The following RTN4RL1 variants were observed in gnomAD, a reference collection of about 807,000 sequenced individuals.
RTN4RL1 encodes the protein reticulon-4 receptor-like 1.
RTN4RL1 carries 7 observed loss-of-function variants against 25.6 expected under a neutral mutation model. That is an observed-to-expected ratio of 0.27 (90% CI 0.16 to 0.51). The LOEUF (loss-of-function observed/expected upper bound fraction) is 0.51. RTN4RL1 is among the 20% of genes least tolerant of loss of function. The probability of loss-of-function intolerance (pLI) is 0.97; values close to 1 mark genes in which losing one functional copy is unlikely to be tolerated. For missense variants in RTN4RL1, 500 were observed against 615.6 expected (o/e 0.81, Z 1.99); for synonymous variants, 297 against 288.2 (o/e 1.03, Z -0.31).
At position 1,994,932 on chromosome 17, in the gene RTN4RL1, T is replaced by TA. The variant is rs775125543; in HGVS notation, c.13+29920dup. Among the ~76,000 whole-genome samples, 7,593 of 135,584 alleles carry TA rather than the reference T, an allele frequency of 0.056. 559 individuals are homozygous for TA. Among genetic ancestry groups the TA allele is most frequent in the African/African-American group, 0.18 (6,616 of 37,194 alleles). 88.9% of individuals were successfully genotyped at this position (135,584 alleles called of 152,430 possible). On this transcript the variant is annotated intron_variant, in intron 1 of 1. Transcript: ENST00000331238. The surrounding 1 kb of genome is among the most constrained non-coding windows in gnomAD (Gnocchi z 4.3). ...GGCCAACATAGTAAGACCCCATCTC[T>TA]AAAAAAAAAAAAAAATCATGAAATG...
chr17:1,987,765 ACACG>A (rs1245039049), intron 1 of RTN4RL1, among the ~76,000 whole-genome samples: 2 of 125,132 alleles, frequency 1.6e-5, no homozygotes, highest in African/African-American at 6.2e-5. Context: ...ACACACACAC[ACACG>A]GACTTTCCAC....
intron 1 of RTN4RL1, among the ~76,000 whole-genome samples, chr17:1,983,489 C>T (rs1245842813): frequency 6.6e-6 from 1 of 152,246 alleles, no homozygotes; most frequent in Non-Finnish European, 1.5e-5. Flanking sequence ...GCCTTCGCCT[C>T]CTAGGCTCAA....
chr17:1,992,167 A>T (rs1466565031), intron 1 of RTN4RL1, among the ~76,000 whole-genome samples: 3 of 152,024 alleles, frequency 2.0e-5, no homozygotes, highest in Non-Finnish European at 4.4e-5. Flanking sequence ...GAACGAGACC[A>T]TCCTGGCTAA....
intron 1 of RTN4RL1, chr17:2,017,878 C>T (rs2067147121): frequency 6.6e-6 from 1 of 152,422 alleles, no homozygotes; most frequent in African/African-American, 2.4e-5. Context: ...CGGAGGAGGC[C>T]TCCACTCTGA....
At chr17:1,947,534 G>A (rs1915582133) in intron 1 of RTN4RL1, among the ~76,000 whole-genome samples, 1 of 152,188 alleles carries the variant, frequency 6.6e-6, no homozygotes, top group Non-Finnish European at 1.5e-5. Flanking sequence ...CCCACTCCAG[G>A]TCCCTCCAGC....
At chr17:1,991,336 G>A (rs2066907468) in intron 1 of RTN4RL1, among the ~76,000 whole-genome samples, 1 of 151,718 alleles carries the variant, frequency 6.6e-6, no homozygotes, top group Non-Finnish European at 1.5e-5. Flanking sequence ...GGACCGGGCT[G>A]GAAACGGAAG....
At chr17:1,954,445 G>A (rs1330766450) in intron 1 of RTN4RL1, among the ~76,000 whole-genome samples, 5 of 142,962 alleles carry the variant, frequency 3.5e-5, no homozygotes, top group Non-Finnish European at 3.0e-5. Context: ...CTGGAGTGCA[G>A]TGGCACGATC....
At chr17:2,017,701 ACACACG>A (rs1385724376) in intron 1 of RTN4RL1, 1 of 133,924 alleles carries the variant, frequency 7.5e-6, no homozygotes, top group Non-Finnish European at 1.7e-5. Context: ...ACACACACAC[ACACACG>A]CACACACACT....
chr17:1,968,051 C>T (rs759644216), intron 1 of RTN4RL1, among the ~76,000 whole-genome samples: 9 of 152,152 alleles, frequency 5.9e-5, no homozygotes, highest in Non-Finnish European at 1.3e-4. Context: ...CTTTCCTGGA[C>T]GTTCCTTCTC....
intron 1 of RTN4RL1, among the ~76,000 whole-genome samples, chr17:1,976,536 A>C (rs1452704856): frequency 6.6e-6 from 1 of 152,228 alleles, no homozygotes; most frequent in Non-Finnish European, 1.5e-5. Flanking sequence ...ACTCAGCAGC[A>C]GTGTGACTTT....
At chr17:2,018,830 C>T (rs1476945095) in intron 1 of RTN4RL1, 2 of 152,532 alleles carry the variant, frequency 1.3e-5, no homozygotes, top group Non-Finnish European at 1.5e-5. Flanking sequence ...CTCAGTGAGG[C>T]TGTAACAAGT....
At chr17:1,985,756 C>G (rs980733241) in intron 1 of RTN4RL1, among the ~76,000 whole-genome samples, 1 of 152,134 alleles carries the variant, frequency 6.6e-6, no homozygotes, top group Non-Finnish European at 1.5e-5. Context: ...TGGAATCCAC[C>G]AAATGAGCCC....
intron 1 of RTN4RL1, among the ~76,000 whole-genome samples, chr17:1,956,678 G>A (rs1371879443): frequency 1.3e-5 from 2 of 152,004 alleles, no homozygotes. Flanking sequence ...CCTCCTGGGA[G>A]GGCTGCAGGG....
Position 1,936,525 on chromosome 17 carries a change from T to A in RTN4RL1, c.1297A>T (p.Thr433Ser). 11 of 1,549,696 alleles carry A rather than the reference T, an allele frequency of 7.1e-6. No homozygotes were observed. The highest frequency in any genetic ancestry group is 9.6e-6 in the Non-Finnish European group (11 of 1,149,340). Reference sequence around the variant, plus strand: ...CGGAGAGTGACCGCCAGCCCCAGTGTCCAGGCCAGGAGGGAGGCCCCCAGG... The same window carrying A: ...CGGAGAGTGACCGCCAGCCCCAGTGACCAGGCCAGGAGGGAGGCCCCCAGG... ...SSLGASLLAW[T>S]LGLAVTLR The change falls in exon 2 of 2, where the codon ACA becomes TCA. Residue 433 changes from threonine to serine, a missense_variant. Transcript: ENST00000331238.
In RTN4RL1 at chr17:1,937,158, T is replaced by C. The variant is rs776790977; in HGVS notation, c.664A>G (p.Arg222Gly). ...TTGAAGAGGAAGAGGGTGGTCAGCC[T>C]GCGGAGGTCGTGGAACGCCTTGTGG... ...VHHKAFHDLR[R>G]LTTLFLFNNS... is the part of the protein sequence containing the mutation. Residue 222 changes from arginine to glycine, a missense_variant, in exon 2 of 2, where the codon AGG becomes GGG. Physicochemically the swap from Arg to Gly is moderately radical, Grantham distance 125 (BLOSUM62 -2). This residue lies in a region of RTN4RL1 where 232 missense variants were observed against 341.1 expected (regional missense o/e 0.68). Transcript: ENST00000331238. 19 of 1,612,106 alleles carry C rather than the reference T, an allele frequency of 1.2e-5. No individual in the cohort carries two copies. The highest frequency in any genetic ancestry group is 1.5e-5 in the Non-Finnish European group (18 of 1,179,532).
In RTN4RL1 at chr17:1,988,782, G is replaced by T. The variant is rs180845709; in HGVS notation, c.13+36071C>A. On this transcript the variant is annotated intron_variant, in intron 1 of 1. Transcript: ENST00000331238. The stretch of plus-strand genomic sequence containing the variant: ...GCATCCTTTGAGCTGGGCTCTAGAA[G>T]AAGGGTAGGAATTGTCCAGGTAAGC... Among the ~76,000 whole-genome samples, 4 of 152,290 alleles carry T rather than the reference G, an allele frequency of 2.6e-5. No homozygotes were observed. In the East Asian group the frequency reaches 7.7e-4, roughly 29 times the overall value.
chr17:1,952,332 G>GTT lies in RTN4RL1; in HGVS notation c.14-14526_14-14525dup, dbSNP rs56878786. ...GAGGGGCATGGGTCAAGGGAGGTTGGTTTTTTTTTTTTTTTTTTTTTTGAG... is the reference window on the plus strand; with the variant it reads ...GAGGGGCATGGGTCAAGGGAGGTTGGTTTTTTTTTTTTTTTTTTTTTTTTGAG... On this transcript the variant is annotated intron_variant, in intron 1 of 1. Coordinates refer to ENST00000331238, the MANE Select transcript of RTN4RL1 (RefSeq NM_178568.4). Among the ~76,000 whole-genome samples, 232 of 135,364 alleles carry GTT rather than the reference G, an allele frequency of 1.7e-3. 2 individuals carry two copies. The highest frequency in any genetic ancestry group is 4.6e-3 in the African/African-American group (160 of 34,830). 88.8% of individuals were successfully genotyped at this position (135,364 alleles called of 152,430 possible). A position where few individuals can be genotyped will look rare whatever the true frequency, so the allele number is the denominator to read the frequency against.
At position 1,998,407 on chromosome 17, in the gene RTN4RL1, C is replaced by G. The variant is rs1027294128; in HGVS notation, c.13+26446G>C. Among the ~76,000 whole-genome samples, 4 of 152,030 alleles carry G rather than the reference C, an allele frequency of 2.6e-5. No individual in the cohort carries two copies. Among genetic ancestry groups the G allele is most frequent in the African/African-American group, 9.7e-5 (4 of 41,428 alleles). On this transcript the variant is annotated intron_variant, in intron 1 of 1. Coordinates refer to ENST00000331238, the MANE Select transcript of RTN4RL1 (RefSeq NM_178568.4). This position sits in a 1 kb window ranked among gnomAD's most constrained non-coding sequence, Gnocchi z 4.9. ...GGGGTTACCGCGCGGGGAGCCGCGG[C>G]CGCGCTGGGATCCGTTCCCTCTCGC...
At chr17:1,983,732 G>A (rs966658375) in intron 1 of RTN4RL1, among the ~76,000 whole-genome samples, 3 of 151,484 alleles carry the variant, frequency 2.0e-5, no homozygotes, top group African/African-American at 7.3e-5. Context: ...GTAGAGACGG[G>A]GTCTTACCCA....
Sources: gnomAD v4.1 joint callset for allele counts (sites outside exome capture counted in the v4.1 genomes callset) on GRCh38, gnomAD v4.1.1 for gene constraint, gnomAD v4.1.1 regional missense constraint, Gnocchi (gnomAD v3.1) non-coding constraint, MANE v1.5 for transcripts, NCBI Gene and HGNC (gene_info 2026-07-23, HGNC 2026-07-21) for gene names.